LMBR1: variants seen among roughly 807,000 people sequenced by gnomAD.
LMBR1 encodes limb region 1 protein homolog.
In LMBR1, 52 loss-of-function variants were observed where a neutral mutation model predicts 73.9. The observed-to-expected ratio is 0.70, with a 90% confidence interval of 0.56 to 0.89. The LOEUF (loss-of-function observed/expected upper bound fraction) is 0.89. Among genes scored for constraint, LMBR1 ranks in the 40% least tolerant of loss-of-function variants. The probability of loss-of-function intolerance (pLI) is 0.00; values close to 1 mark genes in which losing one functional copy is unlikely to be tolerated. For synonymous variants in LMBR1, 215 were observed against 209.4 expected (o/e 1.03, Z -0.23); for missense variants, 539 against 579.8 (o/e 0.93, Z 0.72).
chr7:156,670,414 G>C lies in LMBR1; in HGVS notation n.867-1127C>G, dbSNP rs1329011602. Among the ~76,000 whole-genome samples, 1 of 152,182 alleles carries C rather than the reference G, an allele frequency of 6.6e-6. No homozygotes were observed. Among genetic ancestry groups the C allele is most frequent in the Non-Finnish European group, 1.5e-5 (1 of 68,036 alleles). On this transcript the variant is annotated intron_variant and non_coding_transcript_variant, in intron 4 of 4. Coordinates refer to the LMBR1 transcript ENST00000430825. The surrounding 1 kb of genome is among the most constrained non-coding windows in gnomAD (Gnocchi z 4.3). ...TGACTTGCCTAAGAGAGGATGTGGC[G>C]CAGGATGTCACTGTCAGAATTTGAA... is the stretch of plus-strand genomic sequence containing the variant.
intron 1 of LMBR1, among the ~76,000 whole-genome samples, chr7:156,849,159 T>C (rs781376513): frequency 9.2e-5 from 14 of 152,088 alleles, no homozygotes; most frequent in Non-Finnish European, 7.3e-5. Context: ...GTACATACCA[T>C]GGAATAGTAT....
chr7:156,718,462 G>A (rs1378068738), intron 15 of LMBR1, among the ~76,000 whole-genome samples: 3 of 150,734 alleles, frequency 2.0e-5, no homozygotes, highest in African/African-American at 4.9e-5. Flanking sequence ...CGTGGCTCCC[G>A]CCTGAAATCT....
chr7:156,692,026 G>C (rs1225603213), intron 15 of LMBR1, among the ~76,000 whole-genome samples: 2 of 152,050 alleles, frequency 1.3e-5, no homozygotes, highest in Non-Finnish European at 1.5e-5. Flanking sequence ...AAACGAAAGA[G>C]AGGCTCCACT....
chr7:156,724,270 A>G (rs1815245497), intron 14 of LMBR1, 92 bp from the exon 15 acceptor site: 2 of 913,248 alleles, frequency 2.2e-6, no homozygotes, highest in African/African-American at 3.3e-5. Context: ...TGTGCATTCT[A>G]GTTACCTAGT....
chr7:156,877,746 G>A (rs560288173), intron 1 of LMBR1, among the ~76,000 whole-genome samples: 15 of 152,172 alleles, frequency 9.9e-5, no homozygotes, highest in East Asian at 5.8e-4. Flanking sequence ...AGCTGGGCGC[G>A]GTGGCAGGCG....
chr7:156,692,671 G>A (rs1807466686), intron 15 of LMBR1, among the ~76,000 whole-genome samples: 1 of 152,168 alleles, frequency 6.6e-6, no homozygotes, highest in South Asian at 2.1e-4. Context: ...AGAGAGAAGA[G>A]CTGAGGAGAG....
intron 1 of LMBR1, among the ~76,000 whole-genome samples, chr7:156,891,299 T>C (rs1802944299): frequency 6.9e-6 from 1 of 144,032 alleles, no homozygotes; most frequent in African/African-American, 2.6e-5. Context: ...TATATATTCA[T>C]AGCCAAAACC....
At chr7:156,870,756 CAAA>C (rs375108106) in intron 1 of LMBR1, among the ~76,000 whole-genome samples, 1 of 83,262 alleles carries the variant, frequency 1.2e-5, no homozygotes, top group African/African-American at 4.3e-5. Context: ...GACTCTGTCA[CAAA>C]AAAAAAAAAA....
At chr7:156,786,294 G>A (rs966679974) in intron 5 of LMBR1, among the ~76,000 whole-genome samples, 2 of 150,670 alleles carry the variant, frequency 1.3e-5, no homozygotes, top group East Asian at 2.0e-4. Context: ...GAAGGAGGGA[G>A]GGGAAAAAAG....
chr7:156,689,548 A>G (rs1258482758), intron 15 of LMBR1, among the ~76,000 whole-genome samples: 1 of 152,206 alleles, frequency 6.6e-6, no homozygotes, highest in African/African-American at 2.4e-5. Context: ...AAATACAAAC[A>G]TTGTCATAAA....
At chr7:156,722,845 A>G (rs1022791056) in intron 15 of LMBR1, among the ~76,000 whole-genome samples, 1 of 152,132 alleles carries the variant, frequency 6.6e-6, no homozygotes. Flanking sequence ...TTTCTTCCAT[A>G]AAATCGGTAT....
intron 1 of LMBR1, among the ~76,000 whole-genome samples, chr7:156,852,818 C>T (rs28657908): frequency 0.46 from 69,652 of 152,004 alleles, 16,163 homozygotes; most frequent in East Asian, 0.61. Flanking sequence ...ACAATCTGTC[C>T]AGAATGTCAA....
At chr7:156,702,559 T>G (rs1231243423) in intron 15 of LMBR1, among the ~76,000 whole-genome samples, 1 of 152,220 alleles carries the variant, frequency 6.6e-6, no homozygotes, top group African/African-American at 2.4e-5. Context: ...TCCCATTGTG[T>G]AGGCTGTCTG....
At chr7:156,828,370 A>C (rs1380512892) in intron 3 of LMBR1, among the ~76,000 whole-genome samples, 1 of 152,200 alleles carries the variant, frequency 6.6e-6, no homozygotes, top group Non-Finnish European at 1.5e-5. Flanking sequence ...TGCCCTGTGA[A>C]GCATTCCTCA....
chr7:156,743,300 G>A (rs1819248830), intron 9 of LMBR1, among the ~76,000 whole-genome samples: 1 of 151,998 alleles, frequency 6.6e-6, no homozygotes, highest in Non-Finnish European at 1.5e-5. Context: ...AATTTTCTCA[G>A]GTCTTCTAAA....
At chr7:156,742,496 C>T (rs1219348917) in intron 9 of LMBR1, among the ~76,000 whole-genome samples, 2 of 152,010 alleles carry the variant, frequency 1.3e-5, no homozygotes, top group African/African-American at 4.8e-5. Flanking sequence ...CATGTCAATA[C>T]ACTGGAAAAT....
intron 1 of LMBR1, among the ~76,000 whole-genome samples, chr7:156,860,568 C>T (rs901594327): frequency 1.3e-5 from 2 of 152,148 alleles, no homozygotes; most frequent in Non-Finnish European, 2.9e-5. Flanking sequence ...CCAACAGTCC[C>T]CCAAAATCTT....
At chr7:156,675,411 C>G (rs1270525879), downstream of LMBR1, among the ~76,000 whole-genome samples, 1 of 152,168 alleles carries the variant, frequency 6.6e-6, no homozygotes. Flanking sequence ...TCTCAAATTC[C>G]TTTGGGAAGG....
intron 9 of LMBR1, among the ~76,000 whole-genome samples, chr7:156,738,080 G>A (rs1190941645): frequency 6.6e-6 from 1 of 152,188 alleles, no homozygotes; most frequent in Non-Finnish European, 1.5e-5. Context: ...ACTGAAGAGG[G>A]TAGAAAAGAC....
Sources: gnomAD v4.1 joint callset for allele counts (sites outside exome capture counted in the v4.1 genomes callset) on GRCh38, gnomAD v4.1.1 for gene constraint, Gnocchi (gnomAD v3.1) non-coding constraint, MANE v1.5 for transcripts, NCBI Gene and HGNC (gene_info 2026-07-23, HGNC 2026-07-21) for gene names.